Variants in BRIP1 observed in about 807,000 individuals in gnomAD.
BRIP1 encodes BRCA1 interacting DNA helicase 1, also known as Fanconi anemia group J protein.
A neutral mutation model predicts 119.7 loss-of-function variants in BRIP1; 88 were observed. The ratio of observed to expected loss-of-function variants is 0.74; its 90% confidence interval spans 0.62 to 0.88. BRIP1 has a LOEUF of 0.88. Ranked by LOEUF, BRIP1 falls within the 40% of genes least tolerant of loss-of-function variation. BRIP1 has a pLI of 0.00. For missense variants in BRIP1, 1,259 were observed against 1,455.4 expected (o/e 0.87, Z 2.20); for synonymous variants, 443 against 496.5 (o/e 0.89, Z 1.43).
In BRIP1 at chr17:61,823,762, ACACACAC is replaced by A. The variant is rs2078361899; in HGVS notation, c.628-15012_628-15006del. On this transcript the variant is annotated intron_variant, in intron 6 of 19. Coordinates refer to ENST00000259008, the MANE Select transcript of BRIP1 (RefSeq NM_032043.3). This position sits in a 1 kb window ranked among gnomAD's most constrained non-coding sequence, Gnocchi z 4.8. ...ATGACCCCAAGCACACAATAAACAC[ACACACAC>A]ACACACACACACACACACACACACA... Among the ~76,000 whole-genome samples, 5 of 109,382 alleles carry A rather than the reference ACACACAC, an allele frequency of 4.6e-5. No individual in the cohort carries two copies. In the South Asian group the frequency reaches 2.3e-3, roughly 50 times the overall value. The allele number at this position is 109,382 out of a possible 152,430, so 71.8% of individuals were successfully genotyped here.
chr17:61,809,729 TG>T lies in BRIP1; in HGVS notation c.628-973del, dbSNP rs1438001018. Among the ~76,000 whole-genome samples the T allele has an allele frequency of 6.6e-6, 1 of 152,110 alleles. No homozygotes were observed. The highest frequency in any genetic ancestry group is 1.5e-5 in the Non-Finnish European group (1 of 67,992). On this transcript the variant is annotated intron_variant, in intron 6 of 19. Coordinates refer to ENST00000259008, the MANE Select transcript of BRIP1 (RefSeq NM_032043.3). This position sits in a 1 kb window ranked among gnomAD's most constrained non-coding sequence, Gnocchi z 5.2. ...GTTAATTTATAGAAGTGGTCATTGA[TG>T]GGGAGGGAAAAAAGGTAAATAGCAT...
At chr17:61,849,443 GA>G (rs2078785478) in intron 4 of BRIP1, among the ~76,000 whole-genome samples, 187 bp from the exon 5 acceptor site, 1 of 150,630 alleles carries the variant, frequency 6.6e-6, no homozygotes, top group Admixed American at 6.6e-5. Flanking sequence ...AAGATTCTGA[GA>G]AACATGCTTT....
intron 14 of BRIP1, among the ~76,000 whole-genome samples, chr17:61,750,107 C>T (rs35968188): frequency 6.8e-4 from 103 of 152,084 alleles, no homozygotes; most frequent in Non-Finnish European, 1.1e-3. Flanking sequence ...TGTTTCTGAT[C>T]TTAGAGGAAA....
rs2144109257 is a variant in BRIP1, at chr17:61,685,898, C to T, written c.2843G>A (p.Cys948Tyr). The change falls in exon 19 of 20, where the codon TGT (cysteine) becomes TAT (tyrosine). Residue 948 changes from cysteine to tyrosine, a missense_variant. Physicochemically the swap from Cys to Tyr is radical, Grantham distance 194. This residue lies in a region of BRIP1 where 753 missense variants were observed against 891.8 expected (regional missense o/e 0.84). Coordinates refer to ENST00000259008, the MANE Select transcript of BRIP1 (RefSeq NM_032043.3). Reference protein sequence around the residue: ...EAKICVQELQCPKIITKNSPL... With the variant: ...EAKICVQELQYPKIITKNSPL... ...TGAATTTTTGGTAATAATTTTAGGA[C>T]ACTGTAGTTCCTGGACACATATCTT... The T allele has an allele frequency of 6.2e-7, 1 of 1,613,900 alleles. No homozygotes were observed. The highest frequency in any genetic ancestry group is 1.1e-5 in the South Asian group (1 of 91,046).
At position 61,797,220 on chromosome 17, in the gene BRIP1, G is replaced by T. The variant is rs74731891; in HGVS notation, c.1340+1880C>A. On this transcript the variant is annotated intron_variant, in intron 9 of 19. Transcript: ENST00000259008. ...ATTTAGGGAAAATAGAACTACAGAAGAAACTAGGTCCCAGTACCAAGTAAG... is the reference window on the plus strand; with the variant it reads ...ATTTAGGGAAAATAGAACTACAGAATAAACTAGGTCCCAGTACCAAGTAAG... 5.0e-3 allele frequency among the ~76,000 whole-genome samples: 754 copies of T among 151,874 alleles called. 5 individuals are homozygous for T. The highest frequency in any genetic ancestry group is 0.017 in the African/African-American group (723 of 41,436).
At chr17:61,737,254 A>G (rs2076930915) in intron 16 of BRIP1, among the ~76,000 whole-genome samples, 1 of 152,190 alleles carries the variant, frequency 6.6e-6, no homozygotes, top group African/African-American at 2.4e-5. Context: ...AATGGTTTAA[A>G]CTCTCCAATT....
rs2077775463 is a variant in BRIP1 at position 61,789,015 on chromosome 17, A to C, written c.1473+4582T>G. Among the ~76,000 whole-genome samples the C allele has an allele frequency of 6.6e-6, 1 of 152,136 alleles. No individual in the cohort carries two copies. Among genetic ancestry groups the C allele is most frequent in the East Asian group, 1.9e-4 (1 of 5,196 alleles). Reference sequence around the variant, plus strand: ...GGCGCTGAGGCACAAGAATTGCCTGAACCTGGGAGGCGGAGGTTGCAGTGG... The same window carrying C: ...GGCGCTGAGGCACAAGAATTGCCTGCACCTGGGAGGCGGAGGTTGCAGTGG... On this transcript the variant is annotated intron_variant, in intron 10 of 19. Transcript: ENST00000259008. This position sits in a 1 kb window ranked among gnomAD's most constrained non-coding sequence, Gnocchi z 4.8.
rs904195207 is a variant in BRIP1, at chr17:61,725,529, A to G, written c.2380-9466T>C. On this transcript the variant is annotated intron_variant, in intron 16 of 19. Transcript: ENST00000259008. The surrounding 1 kb of genome is among the most constrained non-coding windows in gnomAD (Gnocchi z 5.3). ...ACATATTCAGCCTCAACTGGTTATA[A>G]AAATATAACCAGTTTTTCCTATTAA... 2.6e-5 allele frequency among the ~76,000 whole-genome samples: 4 copies of G among 152,184 alleles called. No individual in the cohort carries two copies. The highest frequency in any genetic ancestry group is 2.6e-4 in the Admixed American group (4 of 15,270).
At position 61,686,337 on chromosome 17, in the gene BRIP1, T is replaced by A. The variant is rs1343196822; in HGVS notation, c.2576-172A>T. Among the ~76,000 whole-genome samples, 1 of 152,198 alleles carries A rather than the reference T, an allele frequency of 6.6e-6. No individual in the cohort carries two copies. Among genetic ancestry groups the A allele is most frequent in the African/African-American group, 2.4e-5 (1 of 41,452 alleles). On this transcript the variant is annotated intron_variant, in intron 18 of 19. Transcript: ENST00000259008. The surrounding 1 kb of genome is among the most constrained non-coding windows in gnomAD (Gnocchi z 5.4). ...ATTCAGCAATTTTACTACATATGTA[T>A]CAGTAACATATGAGTAACATTCTCT... is the stretch of plus-strand genomic sequence containing the variant.
At chr17:61,719,765 A>G (rs1196280141) in intron 16 of BRIP1, among the ~76,000 whole-genome samples, 1 of 151,614 alleles carries the variant, frequency 6.6e-6, no homozygotes, top group Non-Finnish European at 1.5e-5. Context: ...AATAAAAAGT[A>G]GAACAGAGGA....
rs1354153329 is a variant in BRIP1 at position 61,787,181 on chromosome 17, A to G, written c.1474-2757T>C. Among the ~76,000 whole-genome samples, 6 of 75,396 alleles carry G rather than the reference A, an allele frequency of 8.0e-5. No homozygotes were observed. The South Asian group carries it at 2.9e-3, about 36-fold the overall frequency. 49.5% of individuals were successfully genotyped at this position (75,396 alleles called of 152,430 possible). On this transcript the variant is annotated intron_variant, in intron 10 of 19. Coordinates refer to ENST00000259008, the MANE Select transcript of BRIP1 (RefSeq NM_032043.3). ...TTATATACTATATAAAATATATAAA[A>G]ATATATTATATACTATATAAAATAT...
intron 10 of BRIP1, among the ~76,000 whole-genome samples, chr17:61,786,206 G>T (rs770292024): frequency 6.6e-6 from 1 of 151,950 alleles, no homozygotes; most frequent in African/African-American, 2.4e-5. Flanking sequence ...GCGTGTGTGT[G>T]TGTGTGTGAC....
In BRIP1 at chr17:61,738,246, T is replaced by C. The variant is rs2076944490; in HGVS notation, c.2379+4767A>G. Reference sequence around the variant, plus strand: ...TGACCTGTAATAAATGATTGCTGTTTTAAGTCACTAAGTTTTGGAGTTGTT... The same window carrying C: ...TGACCTGTAATAAATGATTGCTGTTCTAAGTCACTAAGTTTTGGAGTTGTT... On this transcript the variant is annotated intron_variant, in intron 16 of 19. Transcript: ENST00000259008. This position sits in a 1 kb window ranked among gnomAD's most constrained non-coding sequence, Gnocchi z 4.2. Among the ~76,000 whole-genome samples the C allele has an allele frequency of 6.6e-6, 1 of 152,178 alleles. No homozygotes were observed. Among genetic ancestry groups the C allele is most frequent in the South Asian group, 2.1e-4 (1 of 4,824 alleles).
intron 3 of BRIP1, among the ~76,000 whole-genome samples, chr17:61,859,049 CAAAAA>C (rs34782273): frequency 6.6e-5 from 3 of 45,122 alleles, no homozygotes; most frequent in Admixed American, 2.4e-4. Flanking sequence ...TGACGCCACT[CAAAAA>C]AAAAAAAAAA....
rs1226732978 is a variant in BRIP1 at position 61,770,825 on chromosome 17, T to C, written c.2097+5576A>G. On this transcript the variant is annotated intron_variant, in intron 14 of 19. Transcript: ENST00000259008. This position sits in a 1 kb window ranked among gnomAD's most constrained non-coding sequence, Gnocchi z 4.7. Reference sequence around the variant, plus strand: ...AATTTAAATGGCACACTAGAAAATATCTATCTATTAGATTCAAAAGGCAAT... The same window carrying C: ...AATTTAAATGGCACACTAGAAAATACCTATCTATTAGATTCAAAAGGCAAT... Among the ~76,000 whole-genome samples, 1 of 152,012 alleles carries C rather than the reference T, an allele frequency of 6.6e-6. No homozygotes were observed. The highest frequency in any genetic ancestry group is 1.5e-5 in the Non-Finnish European group (1 of 68,006).
Position 61,851,609 on chromosome 17 carries a change from T to C in BRIP1, c.380-2353A>G, listed in dbSNP as rs187875737. Among the ~76,000 whole-genome samples, 43 of 152,314 alleles carry C rather than the reference T, an allele frequency of 2.8e-4. No homozygotes were observed. In the East Asian group the frequency reaches 4.2e-3, roughly 15 times the overall value. On this transcript the variant is annotated intron_variant, in intron 4 of 19. Coordinates refer to ENST00000259008, the MANE Select transcript of BRIP1 (RefSeq NM_032043.3). This position sits in a 1 kb window ranked among gnomAD's most constrained non-coding sequence, Gnocchi z 4.6. ...ACCAAATTAGGGTTCTCTATACTTT[T>C]ATATGAGTCTATCACTGTGCTAACC...
rs921918691 is a variant in BRIP1 at position 61,805,861 on chromosome 17, T to C, written c.918+2606A>G. Among the ~76,000 whole-genome samples the C allele has an allele frequency of 6.6e-6, 1 of 152,242 alleles. No homozygotes were observed. The highest frequency in any genetic ancestry group is 2.4e-5 in the African/African-American group (1 of 41,476). On this transcript the variant is annotated intron_variant, in intron 7 of 19. Coordinates refer to ENST00000259008, the MANE Select transcript of BRIP1 (RefSeq NM_032043.3). The surrounding 1 kb of genome is among the most constrained non-coding windows in gnomAD (Gnocchi z 5.6). ...ATCACTAAAGTGCCTTTAGAATCTA[T>C]GACTATGAGCTATTAAGTCTCATTT... is the stretch of plus-strand genomic sequence containing the variant.
At chr17:61,714,393 A>G (rs1453278428) in intron 17 of BRIP1, among the ~76,000 whole-genome samples, 2 of 152,152 alleles carry the variant, frequency 1.3e-5, no homozygotes, top group Non-Finnish European at 2.9e-5. Context: ...TTTCTATACC[A>G]TATCTTTACT....
chr17:61,735,984 AT>A lies in BRIP1; in HGVS notation c.2379+7028del, dbSNP rs2144614420. Among the ~76,000 whole-genome samples the A allele has an allele frequency of 6.6e-6, 1 of 152,202 alleles. No individual in the cohort carries two copies. The highest frequency in any genetic ancestry group is 1.9e-4 in the East Asian group (1 of 5,166). Reference sequence around the variant, plus strand: ...CTTGTGACCAATGGAAACTGAGATAATAAATGTGTGTTAAGCCACTATGTGA... The same window carrying A: ...CTTGTGACCAATGGAAACTGAGATAAAAATGTGTGTTAAGCCACTATGTGA... On this transcript the variant is annotated intron_variant, in intron 16 of 19. Transcript: ENST00000259008. This position sits in a 1 kb window ranked among gnomAD's most constrained non-coding sequence, Gnocchi z 4.4.
Sources: gnomAD v4.1 joint callset for allele counts (sites outside exome capture counted in the v4.1 genomes callset) on GRCh38, gnomAD v4.1.1 for gene constraint, gnomAD v4.1.1 regional missense constraint, Gnocchi (gnomAD v3.1) non-coding constraint, MANE v1.5 for transcripts, NCBI Gene and HGNC (gene_info 2026-07-23, HGNC 2026-07-21) for gene names.